EPC2: variants seen among roughly 807,000 people sequenced by gnomAD.
EPC2 encodes enhancer of polycomb homolog 2.
EPC2 carries 14 observed loss-of-function variants against 92.1 expected under a neutral mutation model. The ratio of observed to expected loss-of-function variants is 0.15; its 90% CI spans 0.10 to 0.24. The LOEUF (loss-of-function observed/expected upper bound fraction) is 0.24, where lower values mean the gene tolerates loss of function less well. Ranked by LOEUF, EPC2 falls within the 10% of genes least tolerant of loss-of-function variation. EPC2 has a pLI of 1.00. For missense variants in EPC2, 755 were observed against 971.5 expected, an observed-to-expected ratio of 0.78 and a Z score of 2.96; for synonymous variants, 340 against 334.7, an observed-to-expected ratio of 1.02 and a Z score of -0.17.
chr2:148,779,346 C>T (rs1178932555), intron 10 of EPC2, among the ~76,000 whole-genome samples: 2 of 152,154 alleles, frequency 1.3e-5, no homozygotes, highest in African/African-American at 4.8e-5. Context: ...CTTTGGGAGA[C>T]TGAGGCAGGA....
intron 6 of EPC2, among the ~76,000 whole-genome samples, chr2:148,763,642 T>C (rs1683347402): frequency 6.6e-6 from 1 of 152,032 alleles, no homozygotes; most frequent in Admixed American, 6.5e-5. Flanking sequence ...GCAGGAAGAC[T>C]CCTTCATTCA....
Position 148,786,445 on chromosome 2 carries a change from G to GGCAACACTCTGT in EPC2, c.*70_*81dup. On this transcript the variant is annotated 3_prime_UTR_variant, in exon 14 of 14. Coordinates refer to ENST00000258484, the MANE Select transcript of EPC2 (RefSeq NM_015630.4). ...ATTCATATTCCAGCTGAATGCAAAA[G>GGCAACACTCTGT]GCAACACTCTGTGGATCACAGAGTG... 1 of 1,266,858 alleles carries GGCAACACTCTGT rather than the reference G, an allele frequency of 7.9e-7. No individual in the cohort carries two copies. The highest frequency in any genetic ancestry group is 1.1e-6 in the Non-Finnish European group (1 of 883,600). 78.5% of individuals were successfully genotyped at this position (1,266,858 alleles called of 1,614,324 possible).
intron 2 of EPC2, among the ~76,000 whole-genome samples, chr2:148,700,771 G>C (rs1681859851): frequency 6.7e-6 from 1 of 149,886 alleles, no homozygotes; most frequent in Non-Finnish European, 1.5e-5. Flanking sequence ...TTGGCTCTTT[G>C]GGGGCACTTG....
chr2:148,716,394 T>TACC (rs1682262566), intron 2 of EPC2, among the ~76,000 whole-genome samples: 3 of 152,204 alleles, frequency 2.0e-5, no homozygotes, highest in Non-Finnish European at 2.9e-5. Context: ...TTGAGGTATG[T>TACC]TCCTTGAATA....
chr2:148,770,173 G>A (rs1047189418), intron 8 of EPC2, among the ~76,000 whole-genome samples: 1 of 152,076 alleles, frequency 6.6e-6, no homozygotes, highest in African/African-American at 2.4e-5. Flanking sequence ...TCAGCCTCCT[G>A]GGATTACAGG....
intron 10 of EPC2, among the ~76,000 whole-genome samples, chr2:148,779,519 G>C (rs1446153778): frequency 6.6e-6 from 1 of 152,126 alleles, no homozygotes; most frequent in Admixed American, 6.5e-5. Flanking sequence ...GGAGTTCAAG[G>C]CTGCAGTGAG....
chr2:148,680,061 T>C (rs1681363492), intron 1 of EPC2, among the ~76,000 whole-genome samples: 1 of 151,800 alleles, frequency 6.6e-6, no homozygotes, highest in African/African-American at 2.4e-5. Context: ...TATTTCTGCC[T>C]GGCACTGGAA....
At chr2:148,686,021 T>C (rs1275195605) in intron 1 of EPC2, among the ~76,000 whole-genome samples, 1 of 152,206 alleles carries the variant, frequency 6.6e-6, no homozygotes, top group Non-Finnish European at 1.5e-5. Context: ...GGAAGTTTCT[T>C]ATAATAAGAC....
rs149634388 is a variant in EPC2, at chr2:148,725,884, A to G, written c.314-17738A>G. Among the ~76,000 whole-genome samples, 53 of 152,294 alleles carry G rather than the reference A, an allele frequency of 3.5e-4. No homozygotes were observed. The East Asian group carries it at 7.5e-3, about 22-fold the overall frequency. ...TACATTACAGGTATATAGTTTAACT[A>G]TGTCACATTGTTGTACAACAGGTCT... On this transcript the variant is annotated intron_variant, in intron 2 of 13. Transcript: ENST00000258484.
In EPC2 at chr2:148,784,864, T is replaced by G; in HGVS notation, c.2214T>G (p.Val738=). 1 of 1,613,360 alleles carries G rather than the reference T, an allele frequency of 6.2e-7. No individual in the cohort carries two copies. The highest frequency in any genetic ancestry group is 8.5e-7 in the Non-Finnish European group (1 of 1,179,594). The change falls in exon 13 of 14, where the codon GTT becomes GTG. Residue 738 remains valine (V), a synonymous_variant. Coordinates refer to ENST00000258484, the MANE Select transcript of EPC2 (RefSeq NM_015630.4). ...CAGTGCACCTCAATAATGTCAGTGT[T>G]GTTTCTCCAGTCAATGTGCATATCA... The part of the protein sequence containing the change: ...TNAVHLNNVS[V]VSPVNVHINT...
At chr2:148,726,477 C>A (rs1169402921) in intron 2 of EPC2, among the ~76,000 whole-genome samples, 2 of 152,128 alleles carry the variant, frequency 1.3e-5, no homozygotes, top group Non-Finnish European at 2.9e-5. Context: ...GTGTAATTTT[C>A]TGTTAGTTTG....
At chr2:148,702,537 C>G (rs1681911190) in intron 2 of EPC2, among the ~76,000 whole-genome samples, 1 of 152,164 alleles carries the variant, frequency 6.6e-6, no homozygotes, top group Non-Finnish European at 1.5e-5. Context: ...ATCTGAACTT[C>G]TAACAAATTC....
At chr2:148,702,870 A>G (rs747409688) in intron 2 of EPC2, among the ~76,000 whole-genome samples, 10 of 151,790 alleles carry the variant, frequency 6.6e-5, no homozygotes, top group Non-Finnish European at 1.5e-4. Context: ...GGCTATCATT[A>G]GTGTATTTTA....
intron 1 of EPC2, among the ~76,000 whole-genome samples, chr2:148,653,887 C>G (rs1394948519): frequency 6.6e-6 from 1 of 151,930 alleles, no homozygotes; most frequent in Non-Finnish European, 1.5e-5. Context: ...CTCATTGAGC[C>G]CCATTTCCTC....
At chr2:148,763,408 A>C (rs1683340651) in intron 6 of EPC2, among the ~76,000 whole-genome samples, 1 of 152,202 alleles carries the variant, frequency 6.6e-6, no homozygotes, top group Admixed American at 6.5e-5. Context: ...CATTAATTAA[A>C]GTATTTAATT....
chr2:148,779,012 G>T (rs149553378), intron 10 of EPC2, among the ~76,000 whole-genome samples: 43 of 152,300 alleles, frequency 2.8e-4, no homozygotes, highest in Middle Eastern at 3.4e-3. Context: ...AAGAAACACT[G>T]ACCATTAATC....
intron 2 of EPC2, among the ~76,000 whole-genome samples, chr2:148,738,895 G>A (rs1354625556): frequency 6.6e-6 from 1 of 152,170 alleles, no homozygotes; most frequent in Non-Finnish European, 1.5e-5. Flanking sequence ...CCCTGAATTA[G>A]ACAAACATAC....
intron 2 of EPC2, among the ~76,000 whole-genome samples, chr2:148,729,724 C>T (rs1294021618): frequency 6.6e-6 from 1 of 152,112 alleles, no homozygotes; most frequent in East Asian, 1.9e-4. Context: ...ATTATCTTTA[C>T]ACAACTGCCT....
At chr2:148,673,494 G>A (rs984564954) in intron 1 of EPC2, among the ~76,000 whole-genome samples, 1 of 152,112 alleles carries the variant, frequency 6.6e-6, no homozygotes, top group African/African-American at 2.4e-5. Flanking sequence ...TTCCAATTAA[G>A]TTATCATATT....
Sources: gnomAD v4.1 joint callset for allele counts (sites outside exome capture counted in the v4.1 genomes callset) on GRCh38, gnomAD v4.1.1 for gene constraint, MANE v1.5 for transcripts, NCBI Gene and HGNC (gene_info 2026-07-23, HGNC 2026-07-21) for gene names.